FAM193A: variants seen among roughly 807,000 people sequenced by gnomAD.
FAM193A encodes the protein family with sequence similarity 193 member A.
In FAM193A, 22 loss-of-function variants were observed where a neutral mutation model predicts 126.5. The observed-to-expected ratio is 0.17, with a 90% CI of 0.12 to 0.25. The LOEUF (loss-of-function observed/expected upper bound fraction) is 0.25. Ranked by LOEUF, FAM193A falls within the 10% of genes least tolerant of loss-of-function variation. The pLI is 1.00. For missense variants in FAM193A, 1,675 were observed against 1,672.8 expected (o/e 1.00, Z -0.02); for synonymous variants, 761 against 646.8 (o/e 1.18, Z -2.68).
Position 2,700,455 on chromosome 4 carries a change from G to A in FAM193A, c.4283G>A (p.Ser1428Asn), listed in dbSNP as rs1224260468. The change falls in exon 19 of 21, where the codon AGC becomes AAC. Residue 1428 changes from serine (S) to asparagine (N), a missense_variant. Physicochemically the swap from Ser to Asn is conservative, Grantham distance 46. This residue lies in a region of FAM193A where 415 missense variants were observed against 396.7 expected (regional missense o/e 1.05). Transcript: ENST00000637812. ...PTSPGEHQQN[S>N]KLVLAESPQP... ...TCTCCCGGTGAGCATCAGCAGAACA[G>A]CAAGCTGGTGCTGGCAGAGTCCCCT... 1 of 1,614,050 alleles carries A rather than the reference G, an allele frequency of 6.2e-7. No individual in the cohort carries two copies. Among genetic ancestry groups the A allele is most frequent in the East Asian group, 2.2e-5 (1 of 44,898 alleles).
Position 2,695,145 on chromosome 4 carries a change from C to T in FAM193A, c.3276+16C>T. 2 of 1,567,210 alleles carry T rather than the reference C, an allele frequency of 1.3e-6. No homozygotes were observed. Among genetic ancestry groups the T allele is most frequent in the Non-Finnish European group, 1.7e-6 (2 of 1,156,312 alleles). The stretch of plus-strand genomic sequence containing the variant: ...GCACGGCGGGGTGAGTGCATGAGGT[C>T]AGCGCATCATGATGTGGGAAGTGTG... On this transcript the variant is annotated intron_variant, in intron 17 of 20. Coordinates refer to ENST00000637812, the MANE Select transcript of FAM193A (RefSeq NM_001366318.2).
intron 1 of FAM193A, among the ~76,000 whole-genome samples, chr4:2,540,600 A>G (rs1180150600): frequency 3.3e-5 from 5 of 152,130 alleles, no homozygotes; most frequent in African/African-American, 7.2e-5. Flanking sequence ...GTGAGCCGAG[A>G]TGGCGCCACT....
At chr4:2,684,926 A>C (rs1398895714) in intron 13 of FAM193A, among the ~76,000 whole-genome samples, 1 of 152,250 alleles carries the variant, frequency 6.6e-6, no homozygotes, top group African/African-American at 2.4e-5. Context: ...AAAGCCGAGC[A>C]GGTGCGGCTG....
chr4:2,702,762 C>G (rs1717881424), intron 19 of FAM193A, among the ~76,000 whole-genome samples: 1 of 152,228 alleles, frequency 6.6e-6, no homozygotes, highest in Admixed American at 6.5e-5. Context: ...AGTCCCTGCC[C>G]TTACCCGATG....
At chr4:2,714,877 A>G (rs1719374275) in intron 19 of FAM193A, among the ~76,000 whole-genome samples, 1 of 152,124 alleles carries the variant, frequency 6.6e-6, no homozygotes, top group Non-Finnish European at 1.5e-5. Context: ...GTTCACATCG[A>G]TGAGGCTGAA....
At chr4:2,688,216 T>C (rs1715965678) in intron 13 of FAM193A, among the ~76,000 whole-genome samples, 1 of 151,950 alleles carries the variant, frequency 6.6e-6, no homozygotes, top group Non-Finnish European at 1.5e-5. Context: ...GCATATAATT[T>C]GGGGAAAGGC....
At chr4:2,632,637 G>T (rs571251004) in intron 5 of FAM193A, among the ~76,000 whole-genome samples, 3 of 151,348 alleles carry the variant, frequency 2.0e-5, no homozygotes, top group African/African-American at 7.3e-5. Context: ...CAAGCCATGG[G>T]GAGGTATCTA....
intron 15 of FAM193A, 107 bp downstream of exon 15, chr4:2,691,077 C>G (rs1716322944): frequency 9.5e-7 from 1 of 1,047,184 alleles, no homozygotes; most frequent in Admixed American, 2.7e-5. Context: ...TTGGCCTAGC[C>G]AGAGGCGTAA....
At chr4:2,567,169 C>T (rs1375745973) in intron 1 of FAM193A, among the ~76,000 whole-genome samples, 6 of 150,806 alleles carry the variant, frequency 4.0e-5, no homozygotes, top group South Asian at 4.2e-4. Flanking sequence ...AGGATGGTCT[C>T]GATCTCCTGA....
chr4:2,620,836 CAAAAA>C (rs34305537), intron 2 of FAM193A, among the ~76,000 whole-genome samples: 1 of 69,100 alleles, frequency 1.4e-5, no homozygotes, highest in African/African-American at 6.1e-5. Context: ...AACTCCGTCT[CAAAAA>C]AAAAAAAAAA....
At chr4:2,611,687 CTTAA>C (rs1180099375) in intron 2 of FAM193A, among the ~76,000 whole-genome samples, 2 of 152,130 alleles carry the variant, frequency 1.3e-5, no homozygotes, top group Admixed American at 1.3e-4. Flanking sequence ...ATTGAGTTGT[CTTAA>C]TGAGTTGTGA....
At chr4:2,663,389 T>C (rs977630641) in intron 12 of FAM193A, 101 bp downstream of exon 12, 4 of 969,150 alleles carry the variant, frequency 4.1e-6, no homozygotes, top group African/African-American at 1.7e-5. Context: ...TTTCCCATAA[T>C]TTCTGAAGGT....
chr4:2,638,827 A>G (rs1345111127), intron 5 of FAM193A, among the ~76,000 whole-genome samples: 5 of 152,292 alleles, frequency 3.3e-5, no homozygotes, highest in East Asian at 1.9e-4. Context: ...GTCTCCATCA[A>G]CTCAGCTTGG....
At chr4:2,547,811 G>A (rs1337818679) in intron 1 of FAM193A, among the ~76,000 whole-genome samples, 3 of 151,720 alleles carry the variant, frequency 2.0e-5, no homozygotes, top group Non-Finnish European at 4.4e-5. Context: ...TTTCAGTAGA[G>A]ATGGGATTTC....
Position 2,625,613 on chromosome 4 carries a change from C to A in FAM193A, c.635+218C>A, listed in dbSNP as rs1374906694. 18 of 387,134 alleles carry A rather than the reference C, an allele frequency of 4.6e-5. No individual in the cohort carries two copies. The East Asian group carries it at 6.6e-4, about 14-fold the overall frequency. The allele number at this position is 387,134 out of a possible 1,614,324, so 24.0% of individuals were successfully genotyped here. On this transcript the variant is annotated intron_variant, in intron 3 of 20. Transcript: ENST00000637812. ...CATCCTCAGAACAAGAGAAGGAGTC[C>A]TTAAATAATCAGAATCTAAGAGCAG...
intron 1 of FAM193A, among the ~76,000 whole-genome samples, chr4:2,541,501 A>G (rs1445335928): frequency 6.9e-6 from 1 of 145,050 alleles, no homozygotes; most frequent in Non-Finnish European, 1.5e-5. Flanking sequence ...GCTGGAGAGC[A>G]GTGGCGTGAT....
At chr4:2,576,733 A>G (rs550829044) in intron 1 of FAM193A, among the ~76,000 whole-genome samples, 65 of 152,342 alleles carry the variant, frequency 4.3e-4, no homozygotes, top group African/African-American at 1.6e-3. Flanking sequence ...CTTATCAGAC[A>G]CTGTTCTAAA....
intron 1 of FAM193A, among the ~76,000 whole-genome samples, chr4:2,572,278 A>G (rs1739336967): frequency 6.6e-6 from 1 of 151,564 alleles, no homozygotes. Flanking sequence ...GCCGTGAGCC[A>G]AGATCGCGCC....
intron 20 of FAM193A, among the ~76,000 whole-genome samples, chr4:2,729,281 G>A (rs1161367958): frequency 6.6e-6 from 1 of 152,074 alleles, no homozygotes; most frequent in Non-Finnish European, 1.5e-5. Flanking sequence ...GATCGCCTCA[G>A]GTGAGCATGC....
Sources: gnomAD v4.1 joint callset for allele counts (sites outside exome capture counted in the v4.1 genomes callset) on GRCh38, gnomAD v4.1.1 for gene constraint, gnomAD v4.1.1 regional missense constraint, MANE v1.5 for transcripts, NCBI Gene and HGNC (gene_info 2026-07-23, HGNC 2026-07-21) for gene names.